Variants in PTPRR observed in about 807,000 individuals in gnomAD.
PTPRR encodes the protein receptor-type tyrosine-protein phosphatase R.
In PTPRR, 38 loss-of-function variants were observed where a neutral mutation model predicts 77.2. The ratio of observed to expected loss-of-function variants is 0.49; its 90% CI spans 0.38 to 0.65. The LOEUF is 0.65. Ranked by LOEUF, PTPRR falls within the 30% of genes least tolerant of loss-of-function variation. The pLI, the probability that PTPRR is intolerant of heterozygous loss-of-function variation, is 0.00. For missense variants in PTPRR, 744 were observed against 799.2 expected (o/e 0.93, Z 0.83); for synonymous variants, 299 against 283.1 (o/e 1.06, Z -0.57).
chr12:70,731,394 G>C (rs1039009025), intron 6 of PTPRR, among the ~76,000 whole-genome samples: 5 of 152,150 alleles, frequency 3.3e-5, no homozygotes, highest in Non-Finnish European at 5.9e-5. Flanking sequence ...GCCTCACCTG[G>C]AGAAACTTGC....
intron 13 of PTPRR, among the ~76,000 whole-genome samples, chr12:70,646,580 CATA>C (rs1886207460): frequency 6.6e-6 from 1 of 152,122 alleles, no homozygotes; most frequent in Non-Finnish European, 1.5e-5. Flanking sequence ...ATTCAGTCAG[CATA>C]ATATGTTTTA....
intron 2 of PTPRR, among the ~76,000 whole-genome samples, chr12:70,784,761 T>C (rs1307070382): frequency 1.3e-5 from 2 of 152,240 alleles, no homozygotes; most frequent in Non-Finnish European, 2.9e-5. Flanking sequence ...GTGACTTGCT[T>C]CTTTGGATAT....
chr12:70,701,597 A>G (rs1450113443), intron 6 of PTPRR, among the ~76,000 whole-genome samples: 2 of 152,182 alleles, frequency 1.3e-5, no homozygotes, highest in Admixed American at 6.5e-5. Context: ...AGGTTGGCTA[A>G]TAATATTAAG....
chr12:70,770,114 C>G, intron 2 of PTPRR, among the ~76,000 whole-genome samples: 1 of 149,528 alleles, frequency 6.7e-6, no homozygotes, highest in East Asian at 1.9e-4. Context: ...GACTTCATGT[C>G]TAAAACACCA....
intron 2 of PTPRR, among the ~76,000 whole-genome samples, chr12:70,877,653 G>C (rs61930374): frequency 0.21 from 32,090 of 151,984 alleles, 4,498 homozygotes; most frequent in Admixed American, 0.4. Context: ...GAATCAATAT[G>C]GTGAAAATGG....
intron 1 of PTPRR, among the ~76,000 whole-genome samples, chr12:70,900,800 A>C (rs1294925589): frequency 6.6e-6 from 1 of 151,660 alleles, no homozygotes; most frequent in Non-Finnish European, 1.5e-5. Flanking sequence ...CATTAGGAAA[A>C]TGCAAATTAA....
chr12:70,884,437 GTTC>G (rs577197299), intron 2 of PTPRR, among the ~76,000 whole-genome samples: 17 of 152,262 alleles, frequency 1.1e-4, no homozygotes, highest in African/African-American at 4.1e-4. Flanking sequence ...CGGGAGAACA[GTTC>G]TTAACAACTG....
rs181312848 is a variant in PTPRR, at chr12:70,696,083, T to C, written c.1279+2182A>G. 1.6e-3 allele frequency among the ~76,000 whole-genome samples: 245 copies of C among 152,314 alleles called. 1 individual carries two copies. Among genetic ancestry groups the C allele is most frequent in the African/African-American group, 4.9e-3 (205 of 41,574 alleles). On this transcript the variant is annotated intron_variant, in intron 8 of 13. Coordinates refer to ENST00000283228, the MANE Select transcript of PTPRR (RefSeq NM_002849.4). ...AAGTTAAAAAGACTTTGTGGCTCCA[T>C]CTTTCCTGAGCTTTGTCGTGAGATG...
chr12:70,758,208 A>G (rs184657441), intron 4 of PTPRR, among the ~76,000 whole-genome samples: 53 of 152,308 alleles, frequency 3.5e-4, no homozygotes, highest in Admixed American at 1.0e-3. Flanking sequence ...CTAGATTCCA[A>G]CAATTTTATG....
chr12:70,775,711 G>A (rs983063524), intron 2 of PTPRR, among the ~76,000 whole-genome samples: 1 of 152,040 alleles, frequency 6.6e-6, no homozygotes, highest in African/African-American at 2.4e-5. Context: ...AGCCACAAAA[G>A]GACCAAAGCT....
intron 2 of PTPRR, among the ~76,000 whole-genome samples, chr12:70,820,210 T>C (rs1891979429): frequency 6.6e-6 from 1 of 152,212 alleles, no homozygotes. Context: ...TAGACACCAC[T>C]CTGTTCTATT....
At chr12:70,857,889 C>A (rs571851777) in intron 2 of PTPRR, among the ~76,000 whole-genome samples, 60 of 152,186 alleles carry the variant, frequency 3.9e-4, no homozygotes, top group African/African-American at 1.3e-3. Context: ...ACCTATAAGC[C>A]AGAAGTTGGG....
At chr12:70,848,389 T>C (rs569687162) in intron 2 of PTPRR, among the ~76,000 whole-genome samples, 99 of 152,188 alleles carry the variant, frequency 6.5e-4, no homozygotes, top group Non-Finnish European at 1.1e-3. Flanking sequence ...AGTGCAGTAG[T>C]GGATCTCGGC....
intron 6 of PTPRR, among the ~76,000 whole-genome samples, chr12:70,710,529 C>T (rs1412065765): frequency 6.6e-6 from 1 of 151,978 alleles, no homozygotes; most frequent in African/African-American, 2.4e-5. Flanking sequence ...AAAATGATTT[C>T]AACAAAAGGA....
chr12:70,751,149 T>C (rs1397107829), intron 5 of PTPRR, among the ~76,000 whole-genome samples: 2 of 152,166 alleles, frequency 1.3e-5, no homozygotes, highest in African/African-American at 4.8e-5. Flanking sequence ...ACGCTCATCC[T>C]CATTCTGAAC....
chr12:70,886,928 A>G (rs150455058), intron 2 of PTPRR, among the ~76,000 whole-genome samples: 1,708 of 152,324 alleles, frequency 0.011, 18 homozygotes, highest in Middle Eastern at 0.041. Flanking sequence ...GACATAAAAG[A>G]TATTAGCTAG....
chr12:70,875,459 G>A (rs562821056), intron 2 of PTPRR, among the ~76,000 whole-genome samples: 2 of 151,596 alleles, frequency 1.3e-5, no homozygotes, highest in East Asian at 1.9e-4. Context: ...GTAAAAGAAT[G>A]GAGAAGAGGG....
chr12:70,830,929 A>G (rs1186240208), intron 2 of PTPRR, among the ~76,000 whole-genome samples: 2 of 152,230 alleles, frequency 1.3e-5, no homozygotes, highest in South Asian at 4.1e-4. Flanking sequence ...TTACCAACGA[A>G]TATTCAGTAC....
intron 13 of PTPRR, among the ~76,000 whole-genome samples, chr12:70,651,523 C>T (rs528589130): frequency 1.3e-5 from 2 of 152,280 alleles, no homozygotes; most frequent in African/African-American, 4.8e-5. Context: ...CAGTTGCCGA[C>T]AACGTCACTC....
Sources: gnomAD v4.1 joint callset for allele counts (sites outside exome capture counted in the v4.1 genomes callset) on GRCh38, gnomAD v4.1.1 for gene constraint, MANE v1.5 for transcripts, NCBI Gene and HGNC (gene_info 2026-07-23, HGNC 2026-07-21) for gene names.